SUMF1: variants seen among roughly 807,000 people sequenced by gnomAD.
SUMF1 encodes the protein sulfatase modifying factor 1.
In SUMF1, 48 loss-of-function variants were observed where a neutral mutation model predicts 47.6. The ratio of observed to expected loss-of-function variants is 1.01; its 90% CI spans 0.80 to 1.28. The LOEUF is 1.28. Among genes scored for constraint, SUMF1 ranks in the 50% most tolerant of loss-of-function variants. The pLI is 0.00. For synonymous variants in SUMF1, 230 were observed against 192.1 expected, an observed-to-expected ratio of 1.20 and a Z score of -1.63; for missense variants, 571 against 485.4, an observed-to-expected ratio of 1.18 and a Z score of -1.66.
chr3:4,335,969 A>AAAC (rs1559230805), intron 8 of SUMF1, among the ~76,000 whole-genome samples: 7 of 84,178 alleles, frequency 8.3e-5, no homozygotes, highest in African/African-American at 3.7e-4. Flanking sequence ...TCAAAAAAAA[A>AAAC]AAAAAAAAAA....
chr3:4,096,791 G>A (rs1692915215), intron 8 of SUMF1, among the ~76,000 whole-genome samples: 1 of 152,134 alleles, frequency 6.6e-6, no homozygotes, highest in Non-Finnish European at 1.5e-5. Flanking sequence ...AGTGAGGGTA[G>A]TGGGCTGGGT....
At chr3:4,317,203 G>T (rs539157918) in intron 8 of SUMF1, 1 of 1,548,202 alleles carries the variant, frequency 6.5e-7, no homozygotes, top group Non-Finnish European at 8.7e-7. Flanking sequence ...CTTATTTCTC[G>T]TTGGCAAAAA....
chr3:4,308,022 G>C (rs557372952), intron 8 of SUMF1, among the ~76,000 whole-genome samples: 1 of 151,182 alleles, frequency 6.6e-6, no homozygotes. Context: ...GGGCAGCAAC[G>C]TCTTAAAAAA....
intron 9 of SUMF1, among the ~76,000 whole-genome samples, chr3:4,048,775 A>T (rs1695052344): frequency 6.6e-6 from 1 of 152,192 alleles, no homozygotes; most frequent in African/African-American, 2.4e-5. Flanking sequence ...ATTTCATTGC[A>T]TACATTTAAT....
chr3:4,185,240 A>C (rs894842262), intron 8 of SUMF1, among the ~76,000 whole-genome samples: 3 of 152,204 alleles, frequency 2.0e-5, no homozygotes, highest in African/African-American at 7.2e-5. Flanking sequence ...AGATGATTGA[A>C]CATCATATAT....
intron 8 of SUMF1, among the ~76,000 whole-genome samples, chr3:4,267,294 G>A (rs9873070): frequency 0.03 from 4,622 of 152,264 alleles, 127 homozygotes; most frequent in African/African-American, 0.07. Context: ...AGTTTCAGAA[G>A]GAATGGTACC....
intron 8 of SUMF1, among the ~76,000 whole-genome samples, chr3:4,077,058 C>T (rs963272627): frequency 6.6e-5 from 10 of 152,138 alleles, no homozygotes; most frequent in African/African-American, 2.2e-4. Context: ...TGAAAAAATG[C>T]TCATCATCAC....
rs1697786611 is a variant in SUMF1, at chr3:4,293,776, C to CA, written c.1014+82553_1014+82554insT. Among the ~76,000 whole-genome samples, 8 of 152,274 alleles carry CA rather than the reference C, an allele frequency of 5.3e-5. 1 individual carries two copies. In the South Asian group the frequency reaches 1.7e-3, roughly 32 times the overall value. On this transcript the variant is annotated intron_variant and NMD_transcript_variant, in intron 8 of 12. Transcript: ENST00000448413. ...ATATTTTCAAAGCCCAAGAGCACAA[C>CA]CCTTAGTAAAAACATCTCTCAAGCT...
chr3:4,224,515 G>C (rs1471775784), intron 8 of SUMF1, among the ~76,000 whole-genome samples: 1 of 151,990 alleles, frequency 6.6e-6, no homozygotes, highest in African/African-American at 2.4e-5. Context: ...ACCCAAATCA[G>C]CCAATCAGAA....
At chr3:4,189,996 GT>G (rs1267633522) in intron 8 of SUMF1, among the ~76,000 whole-genome samples, 19 of 152,140 alleles carry the variant, frequency 1.2e-4, no homozygotes, top group Non-Finnish European at 1.8e-4. Flanking sequence ...TCCAGTAGCT[GT>G]TGTGCTTAAC....
intron 9 of SUMF1, among the ~76,000 whole-genome samples, chr3:4,053,365 T>A (rs898562252): frequency 6.6e-6 from 1 of 152,078 alleles, no homozygotes; most frequent in Non-Finnish European, 1.5e-5. Context: ...ACAGATATAA[T>A]AATAATGAAA....
At chr3:4,193,892 T>C (rs1695374489) in intron 8 of SUMF1, among the ~76,000 whole-genome samples, 3 of 152,148 alleles carry the variant, frequency 2.0e-5, no homozygotes, top group African/African-American at 7.2e-5. Flanking sequence ...TCATAAAAAG[T>C]ACGTAAAACA....
At position 4,376,413 on chromosome 3, in the gene SUMF1, T is replaced by C. The variant is rs200819996; in HGVS notation, c.955-24A>G. The C allele has an allele frequency of 2.7e-5, 44 of 1,613,726 alleles. 1 individual carries two copies. The African/African-American group carries it at 2.9e-4, about 11-fold the overall frequency. ...TTCTACAGATGAAGAAAAAAGGCTA[T>C]GTTAGACCAGAAGGCAAAGCTGCCC... is the stretch of plus-strand genomic sequence containing the variant. On this transcript the variant is annotated intron_variant, in intron 7 of 8. Transcript: ENST00000272902.
chr3:4,278,932 A>C (rs140702123), intron 8 of SUMF1, among the ~76,000 whole-genome samples: 1 of 152,232 alleles, frequency 6.6e-6, no homozygotes, highest in African/African-American at 2.4e-5. Context: ...ATACCAGAGT[A>C]CCCTTTAAGA....
In SUMF1 at chr3:4,130,795, C is replaced by T. The variant is rs371323434; in HGVS notation, c.1015-62050G>A. 1.0e-3 allele frequency among the ~76,000 whole-genome samples: 154 copies of T among 152,176 alleles called. 3 individuals carry two copies. In the South Asian group the frequency reaches 0.031, roughly 31 times the overall value. On this transcript the variant is annotated intron_variant and NMD_transcript_variant, in intron 8 of 12. Coordinates refer to the SUMF1 transcript ENST00000448413. ...CCTCAATTAGGTGTATCACTCTGGCCCATTTATCGAGTGATCCAAAGGCTA... is the reference window on the plus strand; with the variant it reads ...CCTCAATTAGGTGTATCACTCTGGCTCATTTATCGAGTGATCCAAAGGCTA...
chr3:4,073,548 A>G (rs1453946339), intron 8 of SUMF1, among the ~76,000 whole-genome samples: 6 of 152,238 alleles, frequency 3.9e-5, no homozygotes, highest in African/African-American at 1.2e-4. Flanking sequence ...GGCAAATTGG[A>G]TAAAGAGTCA....
At chr3:4,066,617 T>G (rs1239449238) in intron 9 of SUMF1, among the ~76,000 whole-genome samples, 1 of 152,142 alleles carries the variant, frequency 6.6e-6, no homozygotes, top group Non-Finnish European at 1.5e-5. Flanking sequence ...TTACTCTTTC[T>G]TAATTTCTGT....
intron 8 of SUMF1, among the ~76,000 whole-genome samples, chr3:4,366,147 G>A (rs372254369): frequency 0.022 from 3,308 of 151,388 alleles, 52 homozygotes; most frequent in Middle Eastern, 0.041. Flanking sequence ...GCTGCCCTTA[G>A]CATTTTTTCC....
At chr3:4,050,530 C>G (rs1695089062) in intron 9 of SUMF1, among the ~76,000 whole-genome samples, 2 of 151,270 alleles carry the variant, frequency 1.3e-5, no homozygotes, top group Admixed American at 1.3e-4. Context: ...TTGTTTGAGT[C>G]CAGGAGTTCA....
Sources: gnomAD v4.1 joint callset for allele counts (sites outside exome capture counted in the v4.1 genomes callset) on GRCh38, gnomAD v4.1.1 for gene constraint, MANE v1.5 for transcripts, NCBI Gene and HGNC (gene_info 2026-07-23, HGNC 2026-07-21) for gene names.